ANGPT1: variants seen among roughly 807,000 people sequenced by gnomAD.
ANGPT1 encodes angiopoietin 1.
Under a neutral mutation model 62.2 loss-of-function variants are expected in ANGPT1, and 17 were observed. That is an observed-to-expected ratio of 0.27 (90% CI 0.19 to 0.41). The LOEUF is 0.41. Ranked by LOEUF, ANGPT1 falls within the 10% of genes least tolerant of loss-of-function variation. The probability of loss-of-function intolerance (pLI) is 1.00; values close to 1 mark genes in which losing one functional copy is unlikely to be tolerated. For missense variants in ANGPT1, 478 were observed against 594.9 expected (o/e 0.80, Z 2.04); for synonymous variants, 199 against 198.9 (o/e 1.00, Z 0.00).
At chr8:107,374,511 C>T (rs888222636) in intron 1 of ANGPT1, among the ~76,000 whole-genome samples, 5 of 152,136 alleles carry the variant, frequency 3.3e-5, no homozygotes, top group East Asian at 3.9e-4. Flanking sequence ...AAGTGGGGGA[C>T]GAAATCCAAT....
rs1815539038 is a variant in ANGPT1, at chr8:107,335,542, CATAATTT to C, written c.575+601_575+607del. On this transcript the variant is annotated intron_variant, in intron 3 of 8. Transcript: ENST00000517746. ...TCCAATTCAATCAACTGAAATGATT[CATAATTT>C]ATAAAACAAGATGGTGTGATGACAT... Among the ~76,000 whole-genome samples the C allele has an allele frequency of 4.6e-5, 7 of 152,236 alleles. No individual in the cohort carries two copies. The South Asian group carries it at 1.5e-3, about 32-fold the overall frequency.
chr8:107,423,536 C>T (rs1426434016), intron 1 of ANGPT1, among the ~76,000 whole-genome samples: 1 of 152,132 alleles, frequency 6.6e-6, no homozygotes, highest in Non-Finnish European at 1.5e-5. Context: ...CATAGTTTAA[C>T]ATTTCCCTTT....
intron 6 of ANGPT1, among the ~76,000 whole-genome samples, chr8:107,287,037 AT>A (rs1185890460): frequency 1.3e-5 from 2 of 152,070 alleles, no homozygotes; most frequent in South Asian, 4.1e-4. Flanking sequence ...TTTTCCTTGC[AT>A]TTTTTTGCAG....
Position 107,251,522 on chromosome 8 carries a change from A to G in ANGPT1, c.*333T>C, listed in dbSNP as rs1813247035. On this transcript the variant is annotated 3_prime_UTR_variant, in exon 9 of 9. Transcript: ENST00000517746. ...TTTTCTGTTTTACATGAAATTAACC[A>G]TATTTATCATCTGGCTACCATAGTT... The G allele has an allele frequency of 4.8e-6, 1 of 210,370 alleles. No homozygotes were observed. Among genetic ancestry groups the G allele is most frequent in the Non-Finnish European group, 9.6e-6 (1 of 104,230 alleles). The allele number at this position is 210,370 out of a possible 1,614,324, so 13.0% of individuals were successfully genotyped here.
chr8:107,340,037 A>G (rs879351182), intron 2 of ANGPT1, among the ~76,000 whole-genome samples: 1 of 152,166 alleles, frequency 6.6e-6, no homozygotes, highest in Admixed American at 6.5e-5. Context: ...CCACTGATGT[A>G]TTAAACTAGG....
intron 1 of ANGPT1, among the ~76,000 whole-genome samples, chr8:107,412,764 T>G (rs566034398): frequency 1.6e-4 from 25 of 152,210 alleles, no homozygotes; most frequent in African/African-American, 5.8e-4. Flanking sequence ...CTGGGTGCCA[T>G]GGAATTATTA....
At chr8:107,488,386 G>T (rs1812869777) in intron 1 of ANGPT1, among the ~76,000 whole-genome samples, 1 of 152,126 alleles carries the variant, frequency 6.6e-6, no homozygotes, top group African/African-American at 2.4e-5. Context: ...GGGATGCCCT[G>T]CGGAATGCTC....
intron 1 of ANGPT1, among the ~76,000 whole-genome samples, chr8:107,468,412 C>T (rs997423147): frequency 2.0e-5 from 3 of 152,120 alleles, no homozygotes; most frequent in African/African-American, 7.2e-5. Flanking sequence ...GCTGAACAGA[C>T]AGGTCTCTTC....
intron 7 of ANGPT1, among the ~76,000 whole-genome samples, chr8:107,279,887 C>T (rs1813959969): frequency 6.6e-6 from 1 of 152,058 alleles, no homozygotes; most frequent in African/African-American, 2.4e-5. Flanking sequence ...AATGGGAGCA[C>T]AGAGTATCCA....
At chr8:107,448,681 A>C (rs1471334536) in intron 1 of ANGPT1, among the ~76,000 whole-genome samples, 1 of 152,148 alleles carries the variant, frequency 6.6e-6, no homozygotes, top group Non-Finnish European at 1.5e-5. Flanking sequence ...GGCTAGGTCA[A>C]AAGGAATTCT....
In ANGPT1 at chr8:107,293,975, T is replaced by A; in HGVS notation, c.999A>T (p.Gly333=). The stretch of plus-strand genomic sequence containing the variant: ...TCCAGCCTCTTTGGAAATCTAGACT[T>A]CCATCTTCACGATGTTGTATTACAG... The part of the protein sequence containing the change: ...GWTVIQHRED[G]SLDFQRGWKE... The change falls in exon 6 of 9, where the codon GGA becomes GGT. Residue 333 remains glycine, a synonymous_variant. Transcript: ENST00000517746. The A allele has an allele frequency of 6.2e-7, 1 of 1,613,478 alleles. No individual in the cohort carries two copies. The highest frequency in any genetic ancestry group is 1.1e-5 in the South Asian group (1 of 91,004).
intron 6 of ANGPT1, among the ~76,000 whole-genome samples, chr8:107,290,280 G>A (rs1814242570): frequency 1.3e-5 from 2 of 152,178 alleles, no homozygotes; most frequent in South Asian, 4.1e-4. Flanking sequence ...AGGAAAGGCA[G>A]AAAGGAAAGA....
At chr8:107,302,764 C>A (rs1373898745) in intron 5 of ANGPT1, among the ~76,000 whole-genome samples, 1 of 151,896 alleles carries the variant, frequency 6.6e-6, no homozygotes, top group Non-Finnish European at 1.5e-5. Flanking sequence ...AAAGCAAATT[C>A]TTTCAAGATT....
At chr8:107,410,472 C>T (rs1817245350) in intron 1 of ANGPT1, among the ~76,000 whole-genome samples, 1 of 152,140 alleles carries the variant, frequency 6.6e-6, no homozygotes, top group African/African-American at 2.4e-5. Context: ...GACCTATGAG[C>T]ATCAAAAACT....
intron 1 of ANGPT1, among the ~76,000 whole-genome samples, chr8:107,404,335 G>A (rs557588194): frequency 3.9e-5 from 6 of 151,992 alleles, no homozygotes; most frequent in Admixed American, 6.6e-5. Context: ...AGTTCAACCC[G>A]AAATCCCTGT....
chr8:107,272,667 G>A (rs767984556), intron 7 of ANGPT1, among the ~76,000 whole-genome samples: 12 of 151,264 alleles, frequency 7.9e-5, no homozygotes, highest in East Asian at 1.9e-4. Context: ...GCAAACCCAC[G>A]TACTGTTATT....
intron 1 of ANGPT1, among the ~76,000 whole-genome samples, chr8:107,492,219 A>G (rs562540395): frequency 6.6e-6 from 1 of 152,226 alleles, no homozygotes; most frequent in Non-Finnish European, 1.5e-5. Context: ...TTAAAAGATC[A>G]TTATTTCTAT....
At chr8:107,310,468 C>T (rs1814822498) in intron 4 of ANGPT1, among the ~76,000 whole-genome samples, 1 of 152,128 alleles carries the variant, frequency 6.6e-6, no homozygotes, top group Non-Finnish European at 1.5e-5. Context: ...CTTATCTCTG[C>T]TGACAAGAGC....
intron 7 of ANGPT1, among the ~76,000 whole-genome samples, chr8:107,278,617 G>C (rs1586181463): frequency 6.6e-6 from 1 of 152,206 alleles, no homozygotes; most frequent in Non-Finnish European, 1.5e-5. Flanking sequence ...GAAGGCGAAA[G>C]TGAAGCAGTG....
Sources: gnomAD v4.1 joint callset for allele counts (sites outside exome capture counted in the v4.1 genomes callset) on GRCh38, gnomAD v4.1.1 for gene constraint, MANE v1.5 for transcripts, NCBI Gene and HGNC (gene_info 2026-07-23, HGNC 2026-07-21) for gene names.